Variants in ADARB2 observed in about 807,000 individuals in gnomAD.
ADARB2 encodes the protein adenosine deaminase RNA specific B2 (inactive).
Under a neutral mutation model 62.2 loss-of-function variants are expected in ADARB2, and 25 were observed. The ratio of observed to expected loss-of-function variants is 0.40; its 90% CI spans 0.29 to 0.56. The LOEUF (loss-of-function observed/expected upper bound fraction) is 0.56. ADARB2 is among the 20% of genes least tolerant of loss of function. The pLI, the probability that ADARB2 is intolerant of heterozygous loss-of-function variation, is 0.43. For synonymous variants in ADARB2, 572 were observed against 500.8 expected (o/e 1.14, Z -1.90); for missense variants, 1,071 against 1,077.4 (o/e 0.99, Z 0.08).
chr10:1,178,680 A>G lies in ADARB2; in HGVS notation c.*4513T>C, dbSNP rs1448981313. On this transcript the variant is annotated 3_prime_UTR_variant, in exon 10 of 10. Coordinates refer to ENST00000381312, the MANE Select transcript of ADARB2 (RefSeq NM_018702.4). ...CTGCTAAGAGCTGCCTGGGGGTGCTACTGCCTCTCCTGCAACACAGGGCTT... is the reference window on the plus strand; with the variant it reads ...CTGCTAAGAGCTGCCTGGGGGTGCTGCTGCCTCTCCTGCAACACAGGGCTT... 1.3e-5 allele frequency: 2 copies of G among 152,352 alleles called. No homozygotes were observed. Among genetic ancestry groups the G allele is most frequent in the Non-Finnish European group, 1.5e-5 (1 of 68,066 alleles). The allele number at this position is 152,352 out of a possible 1,614,324, so 9.4% of individuals were successfully genotyped here. A position where few individuals can be genotyped will look rare whatever the true frequency, so the allele number is the denominator to read the frequency against.
chr10:1,341,428 C>T (rs1354002475), intron 3 of ADARB2, among the ~76,000 whole-genome samples: 4 of 139,974 alleles, frequency 2.9e-5, no homozygotes, highest in African/African-American at 8.4e-5. Context: ...CAGAGAACGA[C>T]GCACCCCACA....
chr10:1,382,038 T>C (rs1409160572), intron 1 of ADARB2, among the ~76,000 whole-genome samples: 4 of 152,256 alleles, frequency 2.6e-5, no homozygotes, highest in Admixed American at 1.3e-4. Flanking sequence ...GTGACAGATG[T>C]GTTAATTAAT....
intron 1 of ADARB2, among the ~76,000 whole-genome samples, chr10:1,648,139 C>A (rs1388048309): frequency 6.6e-6 from 1 of 152,156 alleles, no homozygotes; most frequent in Admixed American, 6.5e-5. Context: ...CTTCTGTTTT[C>A]TTTTTTCTGA....
chr10:1,620,883 GA>G (rs374609580), intron 1 of ADARB2, among the ~76,000 whole-genome samples: 2 of 152,134 alleles, frequency 1.3e-5, no homozygotes, highest in African/African-American at 4.8e-5. Flanking sequence ...AATACATGCA[GA>G]AAAAAGTATT....
At chr10:1,419,716 T>C (rs1341242381) in intron 1 of ADARB2, among the ~76,000 whole-genome samples, 1 of 152,248 alleles carries the variant, frequency 6.6e-6, no homozygotes, top group Non-Finnish European at 1.5e-5. Context: ...TCCAAGGTTA[T>C]TGCTCAGATA....
intron 1 of ADARB2, among the ~76,000 whole-genome samples, chr10:1,550,165 C>T (rs113078636): frequency 9.2e-5 from 14 of 152,282 alleles, no homozygotes; most frequent in African/African-American, 3.1e-4. Flanking sequence ...AACCCCTCCC[C>T]GCTGCAGGCT....
chr10:1,605,123 A>G (rs1027757676), intron 1 of ADARB2, among the ~76,000 whole-genome samples: 8 of 152,232 alleles, frequency 5.3e-5, no homozygotes, highest in African/African-American at 1.7e-4. Flanking sequence ...GCCAGACCGA[A>G]AAAGCTGTTT....
chr10:1,474,830 A>G (rs916650851), intron 1 of ADARB2, among the ~76,000 whole-genome samples: 5 of 152,190 alleles, frequency 3.3e-5, no homozygotes, highest in African/African-American at 1.2e-4. Context: ...AGTGCTGAGC[A>G]GGACTCCGGG....
intron 3 of ADARB2, among the ~76,000 whole-genome samples, chr10:1,327,121 T>TCCC (rs200602131): frequency 1.3e-4 from 11 of 86,666 alleles, no homozygotes; most frequent in East Asian, 3.6e-4. Flanking sequence ...GCACAGCGCC[T>TCCC]CACTGCACAG....
chr10:1,363,379 CCCGGGGCGGCCTCCCGCGAGT>C lies in ADARB2; in HGVS notation c.705_725del (p.Leu236_Gly242del). 7.5e-7 allele frequency: 1 copy of C among 1,329,660 alleles called. No individual in the cohort carries two copies. The highest frequency in any genetic ancestry group is 9.6e-7 in the Non-Finnish European group (1 of 1,039,376). The allele number at this position is 1,329,660 out of a possible 1,614,324, so 82.4% of individuals were successfully genotyped here. A position where few individuals can be genotyped will look rare whatever the true frequency, so the allele number is the denominator to read the frequency against. On this transcript the variant is annotated inframe_deletion, in exon 3 of 10. Transcript: ENST00000381312. ...AGGCCGCGGACAGAAGCGCGGCGTCCCCGGGGCGGCCTCCCGCGAGTCCGGGGCGCGGCGCCGGGGGCTCGA... is the reference window on the plus strand; with the variant it reads ...AGGCCGCGGACAGAAGCGCGGCGTCCCCGGGGCGCGGCGCCGGGGGCTCGA...
At chr10:1,206,579 G>T (rs1837070662) in intron 7 of ADARB2, among the ~76,000 whole-genome samples, 1 of 152,174 alleles carries the variant, frequency 6.6e-6, no homozygotes, top group Admixed American at 6.5e-5. Flanking sequence ...GCCCCTTGTG[G>T]GCCTCTTGGT....
intron 3 of ADARB2, among the ~76,000 whole-genome samples, chr10:1,338,551 T>A (rs1356129521): frequency 1.3e-5 from 2 of 152,158 alleles, no homozygotes; most frequent in African/African-American, 4.8e-5. Flanking sequence ...GACGCAGGGT[T>A]TTAAAATGGC....
chr10:1,348,123 T>G (rs1390059310), intron 3 of ADARB2, among the ~76,000 whole-genome samples: 1 of 151,906 alleles, frequency 6.6e-6, no homozygotes, highest in Non-Finnish European at 1.5e-5. Flanking sequence ...CTCGGTCCTG[T>G]GGTGCAGTGA....
At chr10:1,671,234 C>T (rs901303618) in intron 1 of ADARB2, among the ~76,000 whole-genome samples, 1 of 152,176 alleles carries the variant, frequency 6.6e-6, no homozygotes, top group East Asian at 1.9e-4. Context: ...CGCCCCCACC[C>T]GCCTTGGGCC....
rs1202920071 is a variant in ADARB2, at chr10:1,486,334, T to C, written c.101-107174A>G. 2.6e-5 allele frequency among the ~76,000 whole-genome samples: 4 copies of C among 152,280 alleles called. No individual in the cohort carries two copies. The East Asian group carries it at 7.7e-4, about 29-fold the overall frequency. ...AGATGATAAATAGAATTCTTAATTA[T>C]TGCATTATTCTCTCTAAATTCCAGA... On this transcript the variant is annotated intron_variant, in intron 1 of 9. Coordinates refer to ENST00000381312, the MANE Select transcript of ADARB2 (RefSeq NM_018702.4).
chr10:1,689,553 A>T (rs1834642425), intron 1 of ADARB2, among the ~76,000 whole-genome samples: 1 of 152,198 alleles, frequency 6.6e-6, no homozygotes, highest in African/African-American at 2.4e-5. Context: ...ACATCACCAC[A>T]ATACCCTCAA....
intron 1 of ADARB2, among the ~76,000 whole-genome samples, chr10:1,728,868 A>C (rs1411793598): frequency 6.6e-6 from 1 of 152,238 alleles, no homozygotes; most frequent in African/African-American, 2.4e-5. Flanking sequence ...TTTTGCTCTC[A>C]GTTCAGTATC....
intron 3 of ADARB2, among the ~76,000 whole-genome samples, chr10:1,354,555 A>C (rs892635248): frequency 2.0e-5 from 3 of 152,244 alleles, no homozygotes; most frequent in African/African-American, 7.2e-5. Flanking sequence ...GTGTCCCTTC[A>C]CAGGTACGTG....
chr10:1,273,641 T>G (rs1252250203), intron 3 of ADARB2, among the ~76,000 whole-genome samples: 1 of 151,854 alleles, frequency 6.6e-6, no homozygotes, highest in East Asian at 1.9e-4. Flanking sequence ...TGAGCTGGGG[T>G]GGAGAAGAAG....
Sources: gnomAD v4.1 joint callset for allele counts (sites outside exome capture counted in the v4.1 genomes callset) on GRCh38, gnomAD v4.1.1 for gene constraint, MANE v1.5 for transcripts, NCBI Gene and HGNC (gene_info 2026-07-23, HGNC 2026-07-21) for gene names.